Variants in EXOC5 observed in about 807,000 individuals in gnomAD.
EXOC5 encodes the protein exocyst complex component 5.
A neutral mutation model predicts 90.8 loss-of-function variants in EXOC5; 17 were observed. The observed-to-expected ratio is 0.19, with a 90% CI of 0.13 to 0.28. The LOEUF (loss-of-function observed/expected upper bound fraction) is 0.28. Among genes scored for constraint, EXOC5 ranks in the 10% least tolerant of loss-of-function variants. The pLI is 1.00. For missense variants in EXOC5, 569 were observed against 830.6 expected, an observed-to-expected ratio of 0.69 and a Z score of 3.87; for synonymous variants, 260 against 270.0, an observed-to-expected ratio of 0.96 and a Z score of 0.36.
intron 5 of EXOC5, 184 bp downstream of exon 5, chr14:57,239,411 T>C: frequency 2.3e-6 from 1 of 434,342 alleles, no homozygotes; most frequent in Non-Finnish European, 4.1e-6. Context: ...GACTGTATTT[T>C]TTCAATAAAC....
At chr14:57,245,472 G>A (rs1285973485) in intron 3 of EXOC5, among the ~76,000 whole-genome samples, 2 of 152,122 alleles carry the variant, frequency 1.3e-5, no homozygotes, top group African/African-American at 2.4e-5. Flanking sequence ...CGGCAGAGCT[G>A]AAACTCAAAC....
intron 5 of EXOC5, 33 bp from the exon 6 acceptor site, chr14:57,237,399 A>G: frequency 6.8e-7 from 1 of 1,478,466 alleles, no homozygotes; most frequent in Non-Finnish European, 9.2e-7. Context: ...GAGGTTTGTT[A>G]GTTGTGATAA....
intron 9 of EXOC5, 66 bp from the exon 10 acceptor site, chr14:57,232,815 TTTTTC>T (rs1485077448): frequency 1.3e-6 from 1 of 766,520 alleles, no homozygotes; most frequent in Non-Finnish European, 2.1e-6. Context: ...TCTCAAGATA[TTTTTC>T]TTTTAAAATT....
rs890811466 is a variant in EXOC5 at position 57,207,271 on chromosome 14, G to C, written c.*1338C>G. 4 of 152,366 alleles carry C rather than the reference G, an allele frequency of 2.6e-5. No individual in the cohort carries two copies. In the Admixed American group the frequency reaches 2.6e-4, roughly 10 times the overall value. The allele number at this position is 152,366 out of a possible 1,614,324, so 9.4% of individuals were successfully genotyped here. A position where few individuals can be genotyped will look rare whatever the true frequency, so the allele number is the denominator to read the frequency against. On this transcript the variant is annotated 3_prime_UTR_variant, in exon 18 of 18. Coordinates refer to ENST00000621441, the MANE Select transcript of EXOC5 (RefSeq NM_006544.4). ...GAAGAAAAGCAGTTTTCCAAAAATA[G>C]GCTAAAAAGCCTATATTAAAGAAAA... is the stretch of plus-strand genomic sequence containing the variant.
chr14:57,260,132 C>T (rs1884456425), intron 1 of EXOC5, among the ~76,000 whole-genome samples: 1 of 152,098 alleles, frequency 6.6e-6, no homozygotes, highest in African/African-American at 2.4e-5. Context: ...CTTTCTAACC[C>T]CATTTTCTTT....
chr14:57,254,803 A>G (rs762439654), intron 1 of EXOC5, among the ~76,000 whole-genome samples: 2 of 152,198 alleles, frequency 1.3e-5, no homozygotes, highest in Non-Finnish European at 2.9e-5. Flanking sequence ...ACGTGAGCAC[A>G]AAGTGAGACG....
At chr14:57,259,227 T>C (rs542705755) in intron 1 of EXOC5, among the ~76,000 whole-genome samples, 4 of 152,158 alleles carry the variant, frequency 2.6e-5, no homozygotes, top group African/African-American at 7.2e-5. Flanking sequence ...GCCTCCTGAG[T>C]AGCTGGTATT....
In EXOC5 at chr14:57,222,547, C is replaced by T. The variant is rs1011841745; in HGVS notation, c.1297-131G>A. On this transcript the variant is annotated intron_variant, in intron 12 of 17. Transcript: ENST00000621441. ...TATGAAAATAACTCACAGCTCCCCCCATACTGCGTGTGCATGCACAAATAC... is the reference window on the plus strand; with the variant it reads ...TATGAAAATAACTCACAGCTCCCCCTATACTGCGTGTGCATGCACAAATAC... The T allele has an allele frequency of 2.7e-5, 14 of 514,790 alleles. No individual in the cohort carries two copies. In the Admixed American group the frequency reaches 3.0e-4, roughly 11 times the overall value. 31.9% of individuals were successfully genotyped at this position (514,790 alleles called of 1,614,324 possible). A position where few individuals can be genotyped will look rare whatever the true frequency, so the allele number is the denominator to read the frequency against.
At chr14:57,241,733 T>C (rs916686369) in intron 4 of EXOC5, among the ~76,000 whole-genome samples, 1 of 152,306 alleles carries the variant, frequency 6.6e-6, no homozygotes, top group Non-Finnish European at 1.5e-5. Context: ...CTAATAGTTA[T>C]TGACATTTGG....
chr14:57,255,310 G>T (rs1413092465), intron 1 of EXOC5, among the ~76,000 whole-genome samples: 3 of 151,984 alleles, frequency 2.0e-5, no homozygotes, highest in Non-Finnish European at 4.4e-5. Context: ...TTCTACCCTA[G>T]AAAAAAGAAT....
At chr14:57,234,558 T>C (rs1237974312) in intron 7 of EXOC5, among the ~76,000 whole-genome samples, 2 of 149,420 alleles carry the variant, frequency 1.3e-5, no homozygotes, top group Non-Finnish European at 3.0e-5. Context: ...TATATGTGTA[T>C]ATATATATTT....
At position 57,205,547 on chromosome 14, in the gene EXOC5, G is replaced by C. The variant is rs561842328; in HGVS notation, c.*3062C>G. 14 of 277,340 alleles carry C rather than the reference G, an allele frequency of 5.0e-5. No homozygotes were observed. The South Asian group carries it at 5.1e-4, about 10-fold the overall frequency. The allele number at this position is 277,340 out of a possible 1,614,324, so 17.2% of individuals were successfully genotyped here. The stretch of plus-strand genomic sequence containing the variant: ...TACCTTAGGTACTTGACCACTTTAA[G>C]GGGTTTTGTGGCATTTCAAAAATCA... On this transcript the variant is annotated 3_prime_UTR_variant, in exon 18 of 18. Coordinates refer to ENST00000621441, the MANE Select transcript of EXOC5 (RefSeq NM_006544.4).
chr14:57,259,114 CTT>C (rs564124086), intron 1 of EXOC5, among the ~76,000 whole-genome samples: 2 of 144,716 alleles, frequency 1.4e-5, no homozygotes, highest in South Asian at 2.2e-4. Flanking sequence ...ACACACTTTT[CTT>C]TTTTTTTTTT....
intron 13 of EXOC5, 122 bp from the exon 14 acceptor site, chr14:57,219,564 C>T (rs1401539796): frequency 2.7e-6 from 2 of 729,766 alleles, no homozygotes; most frequent in African/African-American, 1.9e-5. Flanking sequence ...TATTTTAATA[C>T]ATCAATAATG....
intron 1 of EXOC5, among the ~76,000 whole-genome samples, chr14:57,257,137 T>G (rs1019327590): frequency 4.6e-5 from 7 of 152,114 alleles, no homozygotes; most frequent in Non-Finnish European, 8.8e-5. Context: ...TGCATTCATA[T>G]AAGTTGCTGA....
Position 57,205,912 on chromosome 14 carries a change from T to C in EXOC5, c.*2697A>G. 2.2e-6 allele frequency: 1 copy of C among 456,246 alleles called. No homozygotes were observed. Among genetic ancestry groups the C allele is most frequent in the South Asian group, 1.5e-5 (1 of 64,532 alleles). The allele number at this position is 456,246 out of a possible 1,614,324, so 28.3% of individuals were successfully genotyped here. The stretch of plus-strand genomic sequence containing the variant: ...AAATTGTCCTGGAATGGTCAGGTGG[T>C]CATCCATCTAAAGATCCATCCAGCT... On this transcript the variant is annotated 3_prime_UTR_variant, in exon 18 of 18. Coordinates refer to ENST00000621441, the MANE Select transcript of EXOC5 (RefSeq NM_006544.4).
intron 5 of EXOC5, 141 bp from the exon 6 acceptor site, chr14:57,237,507 A>G (rs1344692387): frequency 7.3e-6 from 4 of 549,076 alleles, no homozygotes; most frequent in Non-Finnish European, 1.3e-5. Context: ...CTGTAAATCC[A>G]AAACCATTAT....
At chr14:57,262,115 C>T (rs748240248) in intron 1 of EXOC5, among the ~76,000 whole-genome samples, 1 of 152,128 alleles carries the variant, frequency 6.6e-6, no homozygotes, top group Non-Finnish European at 1.5e-5. Flanking sequence ...AGTGTTCCCT[C>T]CCTGATAGAT....
chr14:57,232,141 C>T (rs1883506092), intron 10 of EXOC5: 1 of 160,516 alleles, frequency 6.2e-6, no homozygotes, highest in African/African-American at 2.4e-5. Context: ...AAGATAGGGT[C>T]ATAACAGTGT....
Sources: allele counts gnomAD v4.1 joint callset (sites outside exome capture counted in the v4.1 genomes callset), GRCh38; gene constraint gnomAD v4.1.1; transcripts MANE v1.5; gene names NCBI Gene and HGNC (gene_info 2026-07-23, HGNC 2026-07-21).